GRID1: variants seen among roughly 807,000 people sequenced by gnomAD.
GRID1 encodes glutamate receptor ionotropic, delta-1.
GRID1 carries 28 observed loss-of-function variants against 98.0 expected under a neutral mutation model. The observed-to-expected ratio is 0.29, with a 90% CI of 0.21 to 0.39. GRID1 has a LOEUF of 0.39. GRID1 is among the 10% of genes least tolerant of loss of function. The probability of loss-of-function intolerance (pLI) is 1.00; values close to 1 mark genes in which losing one functional copy is unlikely to be tolerated. For missense variants in GRID1, 1,111 were observed against 1,340.5 expected, an observed-to-expected ratio of 0.83 and a Z score of 2.67; for synonymous variants, 553 against 538.5, an observed-to-expected ratio of 1.03 and a Z score of -0.37.
chr10:86,050,539 C>T (rs1843486994), intron 4 of GRID1, among the ~76,000 whole-genome samples: 1 of 152,078 alleles, frequency 6.6e-6, no homozygotes, highest in Non-Finnish European at 1.5e-5. Context: ...CAGTAATTCT[C>T]ATAGTCAAAC....
chr10:86,040,171 G>GA (rs147192945), intron 4 of GRID1, among the ~76,000 whole-genome samples: 4,899 of 152,182 alleles, frequency 0.032, 207 homozygotes, highest in African/African-American at 0.099. Flanking sequence ...TAGTCATCAT[G>GA]AAAAACAGTA....
chr10:86,330,032 T>A (rs576030539), intron 2 of GRID1, among the ~76,000 whole-genome samples: 1 of 151,942 alleles, frequency 6.6e-6, no homozygotes, highest in Non-Finnish European at 1.5e-5. Flanking sequence ...TTTCCTCCCC[T>A]CATTGCCTCC....
In GRID1 at chr10:86,363,436, G is replaced by A. The variant is rs116992038; in HGVS notation, c.235+505C>T. On this transcript the variant is annotated intron_variant, in intron 2 of 15. Transcript: ENST00000327946. ...GCGCCGGGCTGAGGCTCTGGGGGCC[G>A]CGGGGCGCGAAACGCCGCGCCTACC... 8.8e-3 allele frequency among the ~76,000 whole-genome samples: 1,341 copies of A among 152,338 alleles called. 38 individuals are homozygous for A. The highest frequency in any genetic ancestry group is 0.053 in the Admixed American group (807 of 15,312).
intron 8 of GRID1, among the ~76,000 whole-genome samples, chr10:85,823,757 AATG>A (rs1842794110): frequency 6.6e-6 from 1 of 152,210 alleles, no homozygotes; most frequent in African/African-American, 2.4e-5. Context: ...TCAAATGAGA[AATG>A]ATAAGACTGA....
intron 12 of GRID1, among the ~76,000 whole-genome samples, chr10:85,697,333 C>G (rs1218622117): frequency 3.9e-5 from 6 of 152,070 alleles, no homozygotes; most frequent in African/African-American, 1.4e-4. Context: ...TGTTTTCTCT[C>G]TGGTGAATTT....
chr10:86,226,029 G>A (rs543768124), intron 2 of GRID1, among the ~76,000 whole-genome samples: 1 of 152,188 alleles, frequency 6.6e-6, no homozygotes, highest in South Asian at 2.1e-4. Context: ...GTCACCTAAT[G>A]AAGGTGACAA....
intron 14 of GRID1, among the ~76,000 whole-genome samples, chr10:85,618,887 G>A (rs1842823381): frequency 6.6e-6 from 1 of 152,228 alleles, no homozygotes; most frequent in African/African-American, 2.4e-5. Flanking sequence ...ACTGCAGGAT[G>A]TTAAAGAAAT....
chr10:86,295,419 C>T (rs1847574283), intron 2 of GRID1, among the ~76,000 whole-genome samples: 1 of 152,128 alleles, frequency 6.6e-6, no homozygotes, highest in Admixed American at 6.5e-5. Context: ...GCAGTGAGCC[C>T]GAGCGTTGTC....
At chr10:86,077,905 G>T (rs1026618791) in intron 4 of GRID1, among the ~76,000 whole-genome samples, 1 of 152,248 alleles carries the variant, frequency 6.6e-6, no homozygotes, top group South Asian at 2.1e-4. Context: ...GGTTCACTTG[G>T]CCTGGCCTAC....
intron 2 of GRID1, among the ~76,000 whole-genome samples, chr10:86,303,860 GCA>G (rs1381083804): frequency 6.6e-6 from 1 of 152,192 alleles, no homozygotes; most frequent in Admixed American, 6.5e-5. Context: ...GCTTTTCTGG[GCA>G]CACCCTCTAA....
intron 5 of GRID1, among the ~76,000 whole-genome samples, chr10:85,869,543 A>T (rs1454374152): frequency 1.3e-5 from 2 of 152,242 alleles, no homozygotes; most frequent in African/African-American, 2.4e-5. Flanking sequence ...CCTGATTCTG[A>T]CAAGGAAAGC....
At chr10:86,227,979 G>T (rs1055563655) in intron 2 of GRID1, among the ~76,000 whole-genome samples, 25 of 152,086 alleles carry the variant, frequency 1.6e-4, no homozygotes, top group African/African-American at 6.0e-4. Flanking sequence ...CAGACTGATG[G>T]GTGAATGGAT....
At position 86,032,700 on chromosome 10, in the gene GRID1, G is replaced by A. The variant is rs1016324331; in HGVS notation, c.726+106119C>T. Among the ~76,000 whole-genome samples, 6 of 151,538 alleles carry A rather than the reference G, an allele frequency of 4.0e-5. No homozygotes were observed. The South Asian group carries it at 1.3e-3, about 32-fold the overall frequency. On this transcript the variant is annotated intron_variant, in intron 4 of 15. Transcript: ENST00000327946. ...ACACAAACACTGCGGAAGGCCGCAG[G>A]GTCCTCTGCCTAGGAAAACCAGAGA...
At chr10:85,944,966 G>A (rs965462866) in intron 4 of GRID1, among the ~76,000 whole-genome samples, 4 of 151,992 alleles carry the variant, frequency 2.6e-5, no homozygotes, top group Non-Finnish European at 5.9e-5. Flanking sequence ...TTTATACAGT[G>A]GCCCTCCTAA....
At chr10:85,789,040 T>A (rs1842455066) in intron 8 of GRID1, among the ~76,000 whole-genome samples, 1 of 152,168 alleles carries the variant, frequency 6.6e-6, no homozygotes, top group South Asian at 2.1e-4. Context: ...AAAAGATACC[T>A]CCCATTGTAC....
At chr10:86,275,057 C>A (rs1847247749) in intron 2 of GRID1, among the ~76,000 whole-genome samples, 1 of 152,238 alleles carries the variant, frequency 6.6e-6, no homozygotes, top group South Asian at 2.1e-4. Flanking sequence ...ACAGAGAAAT[C>A]TGCAAAGACT....
In GRID1 at chr10:85,969,440, GC is replaced by G. The variant is rs369823417; in HGVS notation, c.727-53202del. Among the ~76,000 whole-genome samples, 123 of 152,202 alleles carry G rather than the reference GC, an allele frequency of 8.1e-4. 2 individuals are homozygous for G. In the East Asian group the frequency reaches 0.023, roughly 28 times the overall value. On this transcript the variant is annotated intron_variant, in intron 4 of 15. Transcript: ENST00000327946. ...CAGGATAGGACAGACTATGTGCTAT[GC>G]CCTAAAACATGCCTCGATAAAAGTA... is the stretch of plus-strand genomic sequence containing the variant.
At position 86,206,423 on chromosome 10, in the gene GRID1, A is replaced by C; in HGVS notation, c.461T>G (p.Leu154Arg). The change falls in exon 3 of 16, where the codon CTC becomes CGC. Residue 154 changes from leucine (L) to arginine (R), a missense_variant. This residue lies in a region of GRID1 where 346 missense variants were observed against 452.3 expected (regional missense o/e 0.76). Coordinates refer to ENST00000327946, the MANE Select transcript of GRID1 (RefSeq NM_017551.3). This position sits in a 1 kb window ranked among gnomAD's most constrained non-coding sequence, Gnocchi z 4.1. ...RPPVRLNDVM[L>R]RLVTELRWQK... ...CCAGCGCAGCTCCGTCACCAGCCTGAGCATGACATCATTGAGGCGGACGGG... is the reference window on the plus strand; with the variant it reads ...CCAGCGCAGCTCCGTCACCAGCCTGCGCATGACATCATTGAGGCGGACGGG... The C allele has an allele frequency of 6.2e-7, 1 of 1,613,444 alleles. No individual in the cohort carries two copies. The highest frequency in any genetic ancestry group is 2.2e-5 in the East Asian group (1 of 44,862).
intron 8 of GRID1, among the ~76,000 whole-genome samples, chr10:85,764,918 T>C (rs995103466): frequency 1.3e-5 from 2 of 152,180 alleles, no homozygotes; most frequent in Non-Finnish European, 2.9e-5. Flanking sequence ...TCAGACTATA[T>C]AACAGAAATG....
Sources: allele counts gnomAD v4.1 joint callset (sites outside exome capture counted in the v4.1 genomes callset), GRCh38; gene constraint gnomAD v4.1.1; regional missense constraint gnomAD v4.1.1; non-coding constraint Gnocchi (gnomAD v3.1); transcripts MANE v1.5; gene names NCBI Gene and HGNC (gene_info 2026-07-23, HGNC 2026-07-21).